Variants in EXOC6B observed in about 807,000 individuals in gnomAD.
EXOC6B encodes SEC15 homolog B.
A neutral mutation model predicts 113.5 loss-of-function variants in EXOC6B; 54 were observed. The ratio of observed to expected loss-of-function variants is 0.48; its 90% CI spans 0.38 to 0.60. The LOEUF (loss-of-function observed/expected upper bound fraction) is 0.60, where lower values mean the gene tolerates loss of function less well. Ranked by LOEUF, EXOC6B falls within the 20% of genes least tolerant of loss-of-function variation. The probability of loss-of-function intolerance (pLI) is 0.00; values close to 1 mark genes in which losing one functional copy is unlikely to be tolerated. For synonymous variants in EXOC6B, 357 were observed against 339.0 expected (o/e 1.05, Z -0.58); for missense variants, 797 against 977.5 (o/e 0.82, Z 2.46).
At chr2:72,599,806 C>G (rs919519397) in intron 6 of EXOC6B, among the ~76,000 whole-genome samples, 1 of 151,674 alleles carries the variant, frequency 6.6e-6, no homozygotes, top group Non-Finnish European at 1.5e-5. Flanking sequence ...ACATTAGCAC[C>G]CCAAAGAAAC....
chr2:72,577,308 A>G (rs571178324), intron 6 of EXOC6B, among the ~76,000 whole-genome samples: 9 of 152,054 alleles, frequency 5.9e-5, no homozygotes, highest in Non-Finnish European at 1.3e-4. Context: ...ATTGTTCTCA[A>G]AAGTAAGATG....
intron 20 of EXOC6B, among the ~76,000 whole-genome samples, chr2:72,235,935 C>T (rs1681933274): frequency 6.6e-6 from 1 of 152,254 alleles, no homozygotes; most frequent in South Asian, 2.1e-4. Context: ...CACTATAAAC[C>T]TTTCAAGGCT....
At chr2:72,259,306 T>G (rs1310098523) in intron 20 of EXOC6B, among the ~76,000 whole-genome samples, 1 of 152,250 alleles carries the variant, frequency 6.6e-6, no homozygotes, top group Non-Finnish European at 1.5e-5. Context: ...CTTTTGCATA[T>G]TTCTTTCATT....
Position 72,575,661 on chromosome 2 carries a change from T to C in EXOC6B, c.677A>G (p.Gln226Arg). The C allele has an allele frequency of 6.3e-7, 1 of 1,598,240 alleles. No individual in the cohort carries two copies. The highest frequency in any genetic ancestry group is 8.5e-7 in the Non-Finnish European group (1 of 1,173,724). The change falls in exon 7 of 22, where the codon CAG becomes CGG. Residue 226 changes from glutamine (Q) to arginine (R), a missense_variant. Transcript: ENST00000272427. Reference sequence around the variant, plus strand: ...GACGATGTTATCCAGGTTTCTTTGCTGCTGGGCCTAGGATAGAGAAGAACA... The same window carrying C: ...GACGATGTTATCCAGGTTTCTTTGCCGCTGGGCCTAGGATAGAGAAGAACA... The part of the protein sequence containing the change: ...IGETAMKQAQ[Q>R]QRNLDNIVLQ...
intron 8 of EXOC6B, among the ~76,000 whole-genome samples, chr2:72,528,097 C>T (rs1701824791): frequency 6.6e-6 from 1 of 151,920 alleles, no homozygotes; most frequent in Non-Finnish European, 1.5e-5. Context: ...AAAGTTAGTA[C>T]TTTTAGAGGG....
chr2:72,454,257 A>C (rs1401876898), intron 18 of EXOC6B, among the ~76,000 whole-genome samples: 1 of 152,134 alleles, frequency 6.6e-6, no homozygotes, highest in African/African-American at 2.4e-5. Context: ...TAATCCTAGC[A>C]CTGCGGGAGG....
intron 20 of EXOC6B, among the ~76,000 whole-genome samples, chr2:72,285,011 A>G (rs185436181): frequency 6.6e-6 from 1 of 152,248 alleles, no homozygotes; most frequent in Non-Finnish European, 1.5e-5. Context: ...ATATTCATGG[A>G]TAGGAAGACA....
chr2:72,248,299 G>A (rs899357844), intron 20 of EXOC6B, among the ~76,000 whole-genome samples: 1 of 152,058 alleles, frequency 6.6e-6, no homozygotes, highest in African/African-American at 2.4e-5. Flanking sequence ...GAAGCTCTTT[G>A]AAGAAGGGAT....
chr2:72,747,952 G>A (rs778240406), intron 1 of EXOC6B, among the ~76,000 whole-genome samples: 1 of 151,994 alleles, frequency 6.6e-6, no homozygotes, highest in Non-Finnish European at 1.5e-5. Context: ...CTTGTGGGGA[G>A]AGACTATGTC....
intron 20 of EXOC6B, among the ~76,000 whole-genome samples, chr2:72,321,350 C>A (rs867844681): frequency 6.6e-6 from 1 of 152,020 alleles, no homozygotes; most frequent in Admixed American, 6.6e-5. Flanking sequence ...GCCTGGTCAA[C>A]ATGGTGAAAC....
chr2:72,466,719 T>C (rs1698080239), intron 17 of EXOC6B, among the ~76,000 whole-genome samples: 1 of 152,208 alleles, frequency 6.6e-6, no homozygotes, highest in South Asian at 2.1e-4. Context: ...TTGAAATATG[T>C]ATACACTGAA....
chr2:72,486,701 ACTAT>A (rs1699440784), intron 16 of EXOC6B, among the ~76,000 whole-genome samples: 5 of 152,150 alleles, frequency 3.3e-5, no homozygotes, highest in Admixed American at 2.0e-4. Flanking sequence ...TGAACTTGAC[ACTAT>A]CTAATGCCAA....
intron 20 of EXOC6B, among the ~76,000 whole-genome samples, chr2:72,284,361 A>T (rs1239772037): frequency 6.6e-6 from 1 of 152,128 alleles, no homozygotes; most frequent in Non-Finnish European, 1.5e-5. Context: ...TCAATGGGCT[A>T]AGAAAGAAAA....
intron 20 of EXOC6B, among the ~76,000 whole-genome samples, chr2:72,315,967 C>T (rs1289467228): frequency 1.3e-5 from 2 of 152,276 alleles, no homozygotes; most frequent in East Asian, 3.9e-4. Context: ...CTCACTACTT[C>T]AGCAAGGATT....
At chr2:72,204,337 C>T (rs541545773) in intron 20 of EXOC6B, among the ~76,000 whole-genome samples, 9 of 152,204 alleles carry the variant, frequency 5.9e-5, no homozygotes, top group South Asian at 2.1e-4. Flanking sequence ...TCTGGGGTCC[C>T]GGGGTCTGGC....
At position 72,176,163 on chromosome 2, in the gene EXOC6B, G is replaced by T. The variant is rs564711951; in HGVS notation, c.*3172C>A. 2 of 152,008 alleles carry T rather than the reference G, an allele frequency of 1.3e-5. No homozygotes were observed. Among genetic ancestry groups the T allele is most frequent in the East Asian group, 1.9e-4 (1 of 5,168 alleles). 9.4% of individuals were successfully genotyped at this position (152,008 alleles called of 1,614,324 possible). ...AAAAGTTCCCTTTAGAGTTAAAAAT[G>T]GACTTTCCTAATTTTCTCTATATAT... On this transcript the variant is annotated 3_prime_UTR_variant, in exon 22 of 22. Coordinates refer to ENST00000272427, the MANE Select transcript of EXOC6B (RefSeq NM_015189.3).
intron 20 of EXOC6B, among the ~76,000 whole-genome samples, chr2:72,250,645 GAT>G (rs1301641318): frequency 6.6e-6 from 1 of 151,764 alleles, no homozygotes; most frequent in Non-Finnish European, 1.5e-5. Context: ...CACCTAGCCA[GAT>G]ATGAGCATAT....
intron 8 of EXOC6B, among the ~76,000 whole-genome samples, chr2:72,548,563 T>C (rs1407021371): frequency 2.0e-5 from 3 of 152,180 alleles, no homozygotes; most frequent in Non-Finnish European, 4.4e-5. Context: ...TTTTCCCTCA[T>C]ATAGGTCCCA....
rs1677855443 is a variant in EXOC6B, at chr2:72,178,215, C to T, written c.*1120G>A. On this transcript the variant is annotated 3_prime_UTR_variant, in exon 22 of 22. Transcript: ENST00000272427. ...CACAAGCCATGGTTGGCTCTGTCGA[C>T]TTTATGGTAACAATGTCTCCATCCC... The T allele has an allele frequency of 6.6e-6, 1 of 152,258 alleles. No individual in the cohort carries two copies. The allele number at this position is 152,258 out of a possible 1,614,324, so 9.4% of individuals were successfully genotyped here.
Sources: allele counts gnomAD v4.1 joint callset (sites outside exome capture counted in the v4.1 genomes callset), GRCh38; gene constraint gnomAD v4.1.1; transcripts MANE v1.5; gene names NCBI Gene and HGNC (gene_info 2026-07-23, HGNC 2026-07-21).